POLR3H: variants seen among roughly 807,000 people sequenced by gnomAD.
POLR3H encodes RNA polymerase III subunit H.
In POLR3H, 17 loss-of-function variants were observed where a neutral mutation model predicts 25.5. The ratio of observed to expected loss-of-function variants is 0.67; its 90% CI spans 0.46 to 1.00. POLR3H has a LOEUF of 1.00. Among genes scored for constraint, POLR3H ranks in the 50% least tolerant of loss-of-function variants. The probability of loss-of-function intolerance (pLI) is 0.00; values close to 1 mark genes in which losing one functional copy is unlikely to be tolerated. For missense variants in POLR3H, 274 were observed against 265.0 expected (o/e 1.03, Z -0.24); for synonymous variants, 129 against 103.0 (o/e 1.25, Z -1.53).
chr22:41,529,409 A>T, intron 5 of POLR3H, 73 bp from the exon 6 acceptor site: 1 of 1,384,766 alleles, frequency 7.2e-7, no homozygotes, highest in East Asian at 2.3e-5. Context: ...AGGTGAAGGG[A>T]GCCCAGCAGG....
chr22:41,537,061 G>C (rs1322744030), intron 2 of POLR3H, among the ~76,000 whole-genome samples: 3 of 152,052 alleles, frequency 2.0e-5, no homozygotes, highest in Non-Finnish European at 4.4e-5. Flanking sequence ...TGGGGCAGGC[G>C]GGGGCAGGGT....
rs376471458 is a variant in POLR3H at position 41,543,943 on chromosome 22, G to A, written c.111+48C>T. ...GCCGGGCCTGCGGCCAGTGGGCGGC[G>A]CTCGCTCTCCCACGCCAAGGCCTGC... On this transcript the variant is annotated intron_variant, in intron 1 of 5. Coordinates refer to ENST00000355209, the MANE Select transcript of POLR3H (RefSeq NM_001018050.4). The A allele has an allele frequency of 1.0e-3, 1,461 of 1,410,256 alleles. 16 individuals are homozygous for A. The Middle Eastern group carries it at 0.018, about 18-fold the overall frequency. 87.4% of individuals were successfully genotyped at this position (1,410,256 alleles called of 1,614,324 possible).
rs201102346 is a variant in POLR3H, at chr22:41,528,569, C to T, written c.*714G>A. On this transcript the variant is annotated 3_prime_UTR_variant, in exon 6 of 6. Coordinates refer to ENST00000355209, the MANE Select transcript of POLR3H (RefSeq NM_001018050.4). ...CAACGAGACGCAGATTGAGTGGTTC[C>T]GCGCTGGCAGTGCCCTCAACAGAAT... 33 of 1,612,850 alleles carry T rather than the reference C, an allele frequency of 2.0e-5. No individual in the cohort carries two copies. Among genetic ancestry groups the T allele is most frequent in the South Asian group, 1.5e-4 (14 of 91,034 alleles).
At chr22:41,533,472 C>T (rs1421822777) in intron 2 of POLR3H, 1 of 1,163,730 alleles carries the variant, frequency 8.6e-7, no homozygotes, top group African/African-American at 1.6e-5. Flanking sequence ...CAGGGTGACC[C>T]ACTCACAGCC....
intron 1 of POLR3H, among the ~76,000 whole-genome samples, chr22:41,541,722 T>C (rs1601967526): frequency 6.6e-6 from 1 of 152,320 alleles, no homozygotes; most frequent in South Asian, 2.1e-4. Context: ...TCTTGGACTT[T>C]CCACACCTTC....
chr22:41,536,022 C>A (rs2066837283), intron 2 of POLR3H, among the ~76,000 whole-genome samples: 1 of 149,984 alleles, frequency 6.7e-6, no homozygotes, highest in Non-Finnish European at 1.5e-5. Context: ...GAACTCCTGA[C>A]CTCGTGATCC....
intron 3 of POLR3H, 197 bp downstream of exon 3, chr22:41,532,462 C>A (rs755414524): frequency 7.9e-5 from 77 of 970,508 alleles, no homozygotes; most frequent in Non-Finnish European, 1.0e-4. Context: ...TCCTGAGTGA[C>A]GGCCTCACAG....
chr22:41,526,663 C>A lies in POLR3H; in HGVS notation c.*2620G>T. 1 of 521,106 alleles carries A rather than the reference C, an allele frequency of 1.9e-6. No homozygotes were observed. The highest frequency in any genetic ancestry group is 3.4e-6 in the Non-Finnish European group (1 of 295,918). 32.3% of individuals were successfully genotyped at this position (521,106 alleles called of 1,614,324 possible). On this transcript the variant is annotated 3_prime_UTR_variant, in exon 6 of 6. Coordinates refer to ENST00000355209, the MANE Select transcript of POLR3H (RefSeq NM_001018050.4). Reference sequence around the variant, plus strand: ...GTCCGGTGGTACAGCCGGGTCCCTGCACCAGGAGGAGTTAGTGAGAGATAT... The same window carrying A: ...GTCCGGTGGTACAGCCGGGTCCCTGAACCAGGAGGAGTTAGTGAGAGATAT...
chr22:41,541,381 G>A (rs998128376), intron 1 of POLR3H, among the ~76,000 whole-genome samples: 1 of 152,170 alleles, frequency 6.6e-6, no homozygotes, highest in African/African-American at 2.4e-5. Flanking sequence ...AGCTGGCAGA[G>A]GGACACAAGA....
In POLR3H at chr22:41,526,809, G is replaced by A. The variant is rs144117265; in HGVS notation, c.*2474C>T. The A allele has an allele frequency of 3.1e-4, 101 of 322,912 alleles. No individual in the cohort carries two copies. Among genetic ancestry groups the A allele is most frequent in the Admixed American group, 2.5e-3 (55 of 21,938 alleles). 20.0% of individuals were successfully genotyped at this position (322,912 alleles called of 1,614,324 possible). On this transcript the variant is annotated 3_prime_UTR_variant, in exon 6 of 6. Coordinates refer to ENST00000355209, the MANE Select transcript of POLR3H (RefSeq NM_001018050.4). ...AGTGAGCAGGCAGAGAGGGTCTGAG[G>A]TGATTGGACTTTTTCTGCTTTGAGA...
chr22:41,537,313 C>T (rs114503405), intron 2 of POLR3H, among the ~76,000 whole-genome samples: 2,105 of 152,234 alleles, frequency 0.014, 49 homozygotes, highest in African/African-American at 0.048. Flanking sequence ...ATAGGGAAAC[C>T]GAGTTTCAGA....
rs544547148 is a variant in POLR3H at position 41,531,306 on chromosome 22, T to C, written c.360-418A>G. Among the ~76,000 whole-genome samples the C allele has an allele frequency of 2.6e-3, 400 of 152,256 alleles. 3 individuals are homozygous for C. The highest frequency in any genetic ancestry group is 9.1e-3 in the African/African-American group (378 of 41,554). On this transcript the variant is annotated intron_variant, in intron 4 of 5. Transcript: ENST00000355209. ...ACTTGCCGTTTTCAAGAGGACATAG[T>C]GGGATGGGAGGTCACCTGCCCACTT... is the stretch of plus-strand genomic sequence containing the variant.
Position 41,532,122 on chromosome 22 carries a change from G to T in POLR3H, c.331C>A (p.Pro111Thr). 1.9e-6 allele frequency: 3 copies of T among 1,614,126 alleles called. No homozygotes were observed. Among genetic ancestry groups the T allele is most frequent in the South Asian group, 1.1e-5 (1 of 91,086 alleles). The change falls in exon 4 of 6, where the codon CCA (proline) becomes ACA (threonine). Residue 111 changes from proline to threonine, a missense_variant. Transcript: ENST00000355209. ...TTGGCTGGCTGCTGCAGTGACTCTG[G>T]GGGGATGAGAATGTCATCGAAGAAG... ...LGFFDDILIP[P>T]ESLQQPAKFD...
rs368665286 is a variant in POLR3H, at chr22:41,530,440, G to A, written c.561+247C>T. Among the ~76,000 whole-genome samples, 79 of 152,286 alleles carry A rather than the reference G, an allele frequency of 5.2e-4. No individual in the cohort carries two copies. In the South Asian group the frequency reaches 7.3e-3, roughly 14 times the overall value. ...CGCTTTATCAGTGGTCTTGTCCACCGTGAGCTCTGTCCCCTTTGCAAGCTG... is the reference window on the plus strand; with the variant it reads ...CGCTTTATCAGTGGTCTTGTCCACCATGAGCTCTGTCCCCTTTGCAAGCTG... On this transcript the variant is annotated intron_variant, in intron 5 of 5. Transcript: ENST00000355209.
At chr22:41,535,944 T>C (rs2066834799) in intron 2 of POLR3H, among the ~76,000 whole-genome samples, 1 of 151,868 alleles carries the variant, frequency 6.6e-6, no homozygotes, top group South Asian at 2.1e-4. Flanking sequence ...CACTGCAGCG[T>C]GGGCGACAGA....
chr22:41,528,395 A>T lies in POLR3H; in HGVS notation c.*888T>A. Reference sequence around the variant, plus strand: ...CTGCTGACCTCTTAGGTCCCCAGGCAGTGCCCTGTCTCCCTGACCCCCCTG... The same window carrying T: ...CTGCTGACCTCTTAGGTCCCCAGGCTGTGCCCTGTCTCCCTGACCCCCCTG... On this transcript the variant is annotated 3_prime_UTR_variant, in exon 6 of 6. Transcript: ENST00000355209. 1.9e-6 allele frequency: 3 copies of T among 1,552,548 alleles called. No homozygotes were observed. Among genetic ancestry groups the T allele is most frequent in the Non-Finnish European group, 2.6e-6 (3 of 1,149,650 alleles).
At chr22:41,538,729 T>C (rs2066886576) in intron 2 of POLR3H, among the ~76,000 whole-genome samples, 1 of 152,214 alleles carries the variant, frequency 6.6e-6, no homozygotes, top group African/African-American at 2.4e-5. Context: ...CTTATTTCTC[T>C]GCTAATGAAA....
intron 1 of POLR3H, among the ~76,000 whole-genome samples, chr22:41,542,414 T>G (rs2066943938): frequency 6.6e-6 from 1 of 152,016 alleles, no homozygotes; most frequent in Non-Finnish European, 1.5e-5. Context: ...CCTTTGCACA[T>G]GCCAGTTCCT....
In POLR3H at chr22:41,527,699, GCCTCGCAGA is replaced by G; in HGVS notation, c.*1575_*1583del. On this transcript the variant is annotated 3_prime_UTR_variant, in exon 6 of 6. Coordinates refer to ENST00000355209, the MANE Select transcript of POLR3H (RefSeq NM_001018050.4). ...CTGATCATGAATGTGCAGCAGGAAG[GCCTCGCAGA>G]CCTCAGCACCAGCGCACACTTGCTA... 1 of 845,730 alleles carries G rather than the reference GCCTCGCAGA, an allele frequency of 1.2e-6. No individual in the cohort carries two copies. Among genetic ancestry groups the G allele is most frequent in the Non-Finnish European group, 1.8e-6 (1 of 557,020 alleles). The allele number at this position is 845,730 out of a possible 1,614,324, so 52.4% of individuals were successfully genotyped here.
Sources: allele counts gnomAD v4.1 joint callset (sites outside exome capture counted in the v4.1 genomes callset), GRCh38; gene constraint gnomAD v4.1.1; transcripts MANE v1.5; gene names NCBI Gene and HGNC (gene_info 2026-07-23, HGNC 2026-07-21).